SLC24A2: variants seen among roughly 807,000 people sequenced by gnomAD.
SLC24A2 encodes the protein solute carrier family 24 member 2.
SLC24A2 carries 36 observed loss-of-function variants against 62.0 expected under a neutral mutation model. The observed-to-expected ratio is 0.58, with a 90% CI of 0.44 to 0.77. SLC24A2 has a LOEUF of 0.77. SLC24A2 is among the 30% of genes least tolerant of loss of function. The pLI, the probability that SLC24A2 is intolerant of heterozygous loss-of-function variation, is 0.00. For missense variants in SLC24A2, 846 were observed against 817.9 expected, an observed-to-expected ratio of 1.03 and a Z score of -0.42; for synonymous variants, 358 against 294.0, an observed-to-expected ratio of 1.22 and a Z score of -2.23.
At chr9:19,964,916 G>T in the SLC24A2 span, among the ~76,000 whole-genome samples, 1 of 152,148 alleles carries the variant, frequency 6.6e-6, no homozygotes, top group African/African-American at 2.4e-5. Context: ...AACGAGACGG[G>T]ACACGGTCCT....
chr9:19,530,406 A>AGAT lies in SLC24A2; in HGVS notation c.1480-2271_1480-2269dup, dbSNP rs374247173. Among the ~76,000 whole-genome samples, 363 of 152,310 alleles carry AGAT rather than the reference A, an allele frequency of 2.4e-3. 1 individual carries two copies. Among genetic ancestry groups the AGAT allele is most frequent in the African/African-American group, 8.5e-3 (354 of 41,568 alleles). On this transcript the variant is annotated intron_variant, in intron 8 of 10. Transcript: ENST00000341998. ...TGCCTTAAGGTGTGGCATAAGTACT[A>AGAT]GATGTCCTAGGAGAGTCCTCATTTC...
chr9:20,026,603 G>A, the SLC24A2 span, among the ~76,000 whole-genome samples: 1 of 152,078 alleles, frequency 6.6e-6, no homozygotes, highest in African/African-American at 2.4e-5. Context: ...AATGATGTTG[G>A]TAAAACTGGA....
chr9:19,843,987 C>T, the SLC24A2 span, among the ~76,000 whole-genome samples: 2 of 152,126 alleles, frequency 1.3e-5, no homozygotes, highest in East Asian at 1.9e-4. Context: ...AGTGAACGTA[C>T]GAGTGCATGT....
At chr9:19,650,847 G>C (rs1587097716) in intron 2 of SLC24A2, among the ~76,000 whole-genome samples, 1 of 151,890 alleles carries the variant, frequency 6.6e-6, no homozygotes, top group Non-Finnish European at 1.5e-5. Context: ...GTGTGTGTGT[G>C]TGTTTGTGTG....
At chr9:19,547,951 G>A (rs753513989) in intron 8 of SLC24A2, among the ~76,000 whole-genome samples, 7 of 151,680 alleles carry the variant, frequency 4.6e-5, no homozygotes, top group Non-Finnish European at 1.0e-4. Context: ...CAGGAAGCCA[G>A]GCCTTTGCAT....
the SLC24A2 span, among the ~76,000 whole-genome samples, chr9:20,047,369 C>T: frequency 6.6e-6 from 1 of 151,892 alleles, no homozygotes; most frequent in East Asian, 2.0e-4. Flanking sequence ...TACTTATAAA[C>T]CATTTAACAC....
chr9:19,999,569 T>C, the SLC24A2 span, among the ~76,000 whole-genome samples: 1 of 152,190 alleles, frequency 6.6e-6, no homozygotes, highest in Non-Finnish European at 1.5e-5. Context: ...CTCATGGCAA[T>C]GAGCTACAAA....
chr9:19,994,373 T>C, the SLC24A2 span, among the ~76,000 whole-genome samples: 1 of 152,104 alleles, frequency 6.6e-6, no homozygotes, highest in East Asian at 1.9e-4. Flanking sequence ...ACACAATAAA[T>C]TCTGTGGGCA....
chr9:19,517,559 C>A (rs1165596418), intron 10 of SLC24A2, among the ~76,000 whole-genome samples: 2 of 152,116 alleles, frequency 1.3e-5, no homozygotes, highest in African/African-American at 2.4e-5. Context: ...GTACATGCAG[C>A]CCCTAACTGG....
chr9:20,119,445 T>C, the SLC24A2 span, among the ~76,000 whole-genome samples: 2 of 152,154 alleles, frequency 1.3e-5, no homozygotes, highest in Non-Finnish European at 2.9e-5. Flanking sequence ...AATGCAAAGT[T>C]GGTATAACAT....
At chr9:20,015,916 G>C in the SLC24A2 span, among the ~76,000 whole-genome samples, 2 of 152,174 alleles carry the variant, frequency 1.3e-5, no homozygotes, top group African/African-American at 4.8e-5. Flanking sequence ...GCATGTAAAT[G>C]AATCTTCTGA....
At chr9:19,998,372 G>C in the SLC24A2 span, among the ~76,000 whole-genome samples, 3 of 152,276 alleles carry the variant, frequency 2.0e-5, no homozygotes, top group South Asian at 6.2e-4. Flanking sequence ...CCTGAAGCCT[G>C]TCAATGATTC....
the SLC24A2 span, among the ~76,000 whole-genome samples, chr9:20,080,562 C>T: frequency 6.6e-6 from 1 of 151,948 alleles, no homozygotes; most frequent in Admixed American, 6.6e-5. Flanking sequence ...AGGACATAGG[C>T]ATGGGCAAGG....
chr9:20,105,882 T>A, the SLC24A2 span, among the ~76,000 whole-genome samples: 1 of 151,742 alleles, frequency 6.6e-6, no homozygotes, highest in Non-Finnish European at 1.5e-5. Flanking sequence ...ACACAAAAAA[T>A]CCTTCAAAAA....
intron 8 of SLC24A2, among the ~76,000 whole-genome samples, 156 bp from the exon 9 acceptor site, chr9:19,528,294 G>C (rs1833530426): frequency 6.6e-6 from 1 of 152,162 alleles, no homozygotes; most frequent in Non-Finnish European, 1.5e-5. Flanking sequence ...TCCTGATCAA[G>C]CTGGGACAGT....
At chr9:19,661,900 G>A (rs1269726902) in intron 2 of SLC24A2, among the ~76,000 whole-genome samples, 1 of 152,160 alleles carries the variant, frequency 6.6e-6, no homozygotes, top group Non-Finnish European at 1.5e-5. Context: ...ACATCCGAGA[G>A]CTTTTCACCT....
the SLC24A2 span, among the ~76,000 whole-genome samples, chr9:19,899,785 CA>C: frequency 1.3e-5 from 2 of 151,998 alleles, no homozygotes; most frequent in Non-Finnish European, 2.9e-5. Flanking sequence ...ATGATGGCAG[CA>C]AGGAGAATAA....
At chr9:19,766,211 G>T (rs1043007415) in intron 2 of SLC24A2, among the ~76,000 whole-genome samples, 1 of 152,152 alleles carries the variant, frequency 6.6e-6, no homozygotes, top group Non-Finnish European at 1.5e-5. Context: ...CTTTTATCAA[G>T]GTTCTTAGCT....
chr9:19,905,354 C>T, the SLC24A2 span, among the ~76,000 whole-genome samples: 1 of 151,986 alleles, frequency 6.6e-6, no homozygotes, highest in African/African-American at 2.4e-5. Flanking sequence ...TCAGAGGATG[C>T]AATGTTGCAC....
Sources: gnomAD v4.1 joint callset for allele counts (sites outside exome capture counted in the v4.1 genomes callset) on GRCh38, gnomAD v4.1.1 for gene constraint, MANE v1.5 for transcripts, NCBI Gene and HGNC (gene_info 2026-07-23, HGNC 2026-07-21) for gene names.